The following JAK2 variants were observed in gnomAD, a reference collection of about 807,000 sequenced individuals.
JAK2 encodes the protein tyrosine-protein kinase JAK2.
In JAK2, 86 loss-of-function variants were observed where a neutral mutation model predicts 139.3. The observed-to-expected ratio is 0.62, with a 90% CI of 0.52 to 0.74. JAK2 has a LOEUF of 0.74. JAK2 is among the 30% of genes least tolerant of loss of function. The pLI, the probability that JAK2 is intolerant of heterozygous loss-of-function variation, is 0.00. For synonymous variants in JAK2, 490 were observed against 437.7 expected (o/e 1.12, Z -1.49); for missense variants, 1,421 against 1,360.3 (o/e 1.04, Z -0.70).
intron 3 of JAK2, 31 bp downstream of exon 3, chr9:5,022,244 T>C (rs774331379): frequency 1.4e-6 from 2 of 1,465,558 alleles, no homozygotes; most frequent in South Asian, 2.3e-5. Context: ...TTTTCCTTTT[T>C]ATGCATGGAT....
rs567537295 is a variant in JAK2, at chr9:4,997,285, A to T, written c.-26+11263A>T. 6.4e-3 allele frequency among the ~76,000 whole-genome samples: 978 copies of T among 152,210 alleles called. 7 individuals carry two copies. Among genetic ancestry groups the T allele is most frequent in the Middle Eastern group, 0.014 (4 of 294 alleles). On this transcript the variant is annotated intron_variant, in intron 2 of 24. Transcript: ENST00000381652. ...AGAAATACCTGAGGCTGAGTAATTT[A>T]TAAAGAAAAGAGATTTAATTGGCTC...
chr9:5,090,263 C>T (rs1384958486), intron 20 of JAK2, among the ~76,000 whole-genome samples, 183 bp from the exon 21 acceptor site: 1 of 152,148 alleles, frequency 6.6e-6, no homozygotes, highest in Non-Finnish European at 1.5e-5. Context: ...AGCTTTTATT[C>T]ATTCAAAAGT....
At chr9:5,082,924 T>C (rs201336822) in intron 19 of JAK2, among the ~76,000 whole-genome samples, 1 of 152,230 alleles carries the variant, frequency 6.6e-6, no homozygotes, top group East Asian at 1.9e-4. Context: ...AGGGTACAGA[T>C]CAAAATGGAA....
At chr9:5,051,895 T>G (rs569451924) in intron 6 of JAK2, among the ~76,000 whole-genome samples, 1 of 152,252 alleles carries the variant, frequency 6.6e-6, no homozygotes, top group East Asian at 1.9e-4. Context: ...CTGTTAGGTC[T>G]TAACCTAAGG....
At chr9:5,111,482 G>T in intron 22 of JAK2, 1 of 376,788 alleles carries the variant, frequency 2.7e-6, no homozygotes, top group South Asian at 2.0e-5. Flanking sequence ...CTCAGGTGAG[G>T]AGTACGGTAG....
chr9:5,065,038 T>C lies in JAK2; in HGVS notation c.1212T>C (p.Ile404=). The change falls in exon 9 of 25, where the codon ATT becomes ATC. Residue 404 remains isoleucine, a splice_region_variant and synonymous_variant. Transcript: ENST00000381652. ...TACAAAGCAACTGTCATGGCCCAAT[T>C]TCGTGAGTAATACAGACTTAAAAGT... ...ENIQSNCHGP[I]SMDFAISKLK... 1 of 1,576,626 alleles carries C rather than the reference T, an allele frequency of 6.3e-7. No individual in the cohort carries two copies. Among genetic ancestry groups the C allele is most frequent in the Non-Finnish European group, 8.6e-7 (1 of 1,162,918 alleles).
intron 2 of JAK2, among the ~76,000 whole-genome samples, chr9:5,012,769 A>G (rs1368304977): frequency 1.3e-5 from 2 of 152,208 alleles, no homozygotes; most frequent in Admixed American, 1.3e-4. Context: ...AGTAGTGGAA[A>G]GAGCACATAG....
At chr9:5,087,630 G>A (rs1674550395) in intron 19 of JAK2, among the ~76,000 whole-genome samples, 1 of 152,202 alleles carries the variant, frequency 6.6e-6, no homozygotes, top group Non-Finnish European at 1.5e-5. Flanking sequence ...GCCTATCAAA[G>A]TGACAAGGAT....
intron 12 of JAK2, among the ~76,000 whole-genome samples, chr9:5,071,182 A>C (rs1007701208): frequency 1.3e-5 from 2 of 152,196 alleles, no homozygotes; most frequent in African/African-American, 4.8e-5. Context: ...GGTGCTTGGA[A>C]GAAACAAAAA....
chr9:5,122,473 C>T (rs982584983), intron 22 of JAK2, among the ~76,000 whole-genome samples: 5 of 152,066 alleles, frequency 3.3e-5, no homozygotes, highest in African/African-American at 1.2e-4. Flanking sequence ...CAAAGAGCAG[C>T]TTATTTTCAC....
In JAK2 at chr9:5,087,448, G is replaced by A. The variant is rs1820218700; in HGVS notation, c.2572-2226G>A. Among the ~76,000 whole-genome samples the A allele has an allele frequency of 2.4e-5, 3 of 125,782 alleles. No homozygotes were observed. The South Asian group carries it at 7.6e-4, about 32-fold the overall frequency. The allele number at this position is 125,782 out of a possible 152,430, so 82.5% of individuals were successfully genotyped here. On this transcript the variant is annotated intron_variant, in intron 19 of 24. Transcript: ENST00000381652. Reference sequence around the variant, plus strand: ...GGGTTTACAATTCAAGATGAGATTTGGGTGAGGACAATGCCAAACCATATC... The same window carrying A: ...GGGTTTACAATTCAAGATGAGATTTAGGTGAGGACAATGCCAAACCATATC...
chr9:5,030,530 C>T (rs1260900948), intron 4 of JAK2, among the ~76,000 whole-genome samples: 1 of 151,780 alleles, frequency 6.6e-6, no homozygotes, highest in Non-Finnish European at 1.5e-5. Context: ...TTAAGATTTC[C>T]ACATTAAAGA....
At chr9:5,123,571 T>C (rs1212462151) in intron 23 of JAK2, among the ~76,000 whole-genome samples, 1 of 152,052 alleles carries the variant, frequency 6.6e-6, no homozygotes, top group Non-Finnish European at 1.5e-5. Flanking sequence ...CTTAGGTTGA[T>C]TCCATGTCTT....
intron 22 of JAK2, chr9:5,112,968 T>A: frequency 5.0e-6 from 1 of 198,484 alleles, no homozygotes; most frequent in East Asian, 1.1e-4. Context: ...TTGTCAGCAT[T>A]GAGCCAACAC....
chr9:5,117,023 G>A (rs1484611851), intron 22 of JAK2, among the ~76,000 whole-genome samples: 2 of 152,166 alleles, frequency 1.3e-5, no homozygotes, highest in East Asian at 3.8e-4. Flanking sequence ...CTTATAAGAG[G>A]CTTCATGCAG....
chr9:5,116,867 A>G (rs983805521), intron 22 of JAK2, among the ~76,000 whole-genome samples: 4 of 152,254 alleles, frequency 2.6e-5, no homozygotes, highest in African/African-American at 9.6e-5. Context: ...TCAATAATTA[A>G]GTGCAATAAG....
intron 19 of JAK2, chr9:5,086,196 G>GCCCCCGCCA: frequency 3.6e-6 from 2 of 550,566 alleles, no homozygotes; most frequent in Non-Finnish European, 4.8e-6. Flanking sequence ...CAGCCGCGCC[G>GCCCCCGCCA]CCCCCGCCAC....
intron 5 of JAK2, among the ~76,000 whole-genome samples, chr9:5,048,401 A>G (rs762775866): frequency 2.7e-4 from 41 of 152,252 alleles, no homozygotes; most frequent in Non-Finnish European, 5.3e-4. Context: ...TTGGCCTTCT[A>G]AAGTGCTGGG....
chr9:5,111,677 G>T, intron 22 of JAK2: 1 of 420,672 alleles, frequency 2.4e-6, no homozygotes, highest in Non-Finnish European at 4.7e-6. Flanking sequence ...CGGCCCTGTG[G>T]GCAGTGGCGG....
Sources: gnomAD v4.1 joint callset for allele counts (sites outside exome capture counted in the v4.1 genomes callset) on GRCh38, gnomAD v4.1.1 for gene constraint, MANE v1.5 for transcripts, NCBI Gene and HGNC (gene_info 2026-07-23, HGNC 2026-07-21) for gene names.